Variants in STXBP4 observed in about 807,000 individuals in gnomAD.
The protein encoded by STXBP4 is syntaxin binding protein 4.
A neutral mutation model predicts 76.1 loss-of-function variants in STXBP4; 55 were observed. The observed-to-expected ratio is 0.72, with a 90% CI of 0.58 to 0.91. The LOEUF is 0.91. Ranked by LOEUF, STXBP4 falls within the 40% of genes least tolerant of loss-of-function variation. The pLI is 0.00. For missense variants in STXBP4, 618 were observed against 636.9 expected (o/e 0.97, Z 0.32); for synonymous variants, 201 against 220.2 (o/e 0.91, Z 0.77).
chr17:55,195,606 G>A, the STXBP4 span, among the ~76,000 whole-genome samples: 24 of 152,110 alleles, frequency 1.6e-4, no homozygotes, highest in African/African-American at 4.8e-4. Flanking sequence ...ACCACACACC[G>A]AGCTAAATTT....
At chr17:55,011,767 G>A (rs961631135) in intron 8 of STXBP4, among the ~76,000 whole-genome samples, 2 of 152,078 alleles carry the variant, frequency 1.3e-5, no homozygotes, top group African/African-American at 4.8e-5. Context: ...GTTTAAAAGT[G>A]AATGTGGTCA....
chr17:54,968,833 T>C lies in STXBP4; in HGVS notation c.-157+18T>C, dbSNP rs780679019. On this transcript the variant is annotated intron_variant, in intron 1 of 17. Coordinates refer to ENST00000376352, the MANE Select transcript of STXBP4 (RefSeq NM_178509.6). ...GATTACGGGTAAGTTTGCGTTTTGC[T>C]TTGTGACTGTTACTCCCACTTCGCT... 1 of 611,622 alleles carries C rather than the reference T, an allele frequency of 1.6e-6. No individual in the cohort carries two copies. Among genetic ancestry groups the C allele is most frequent in the Non-Finnish European group, 2.9e-6 (1 of 348,820 alleles). The allele number at this position is 611,622 out of a possible 1,614,324, so 37.9% of individuals were successfully genotyped here.
rs2078501003 is a variant in STXBP4, at chr17:55,031,114, T to C, written c.667-54T>C. On this transcript the variant is annotated intron_variant, in intron 8 of 17. Transcript: ENST00000376352. ...GGGTTGTAAAGTTTGTAATGAAAAG[T>C]TTTATTCTTTGGAGATTTGAAAAAT... is the stretch of plus-strand genomic sequence containing the variant. The C allele has an allele frequency of 1.6e-5, 22 of 1,371,322 alleles. No homozygotes were observed. The South Asian group carries it at 2.0e-4, about 13-fold the overall frequency. The allele number at this position is 1,371,322 out of a possible 1,614,324, so 84.9% of individuals were successfully genotyped here. A position where few individuals can be genotyped will look rare whatever the true frequency, so the allele number is the denominator to read the frequency against.
chr17:55,128,360 T>C (rs1208259241), intron 16 of STXBP4, among the ~76,000 whole-genome samples: 2 of 151,428 alleles, frequency 1.3e-5, no homozygotes, highest in Non-Finnish European at 2.9e-5. Flanking sequence ...GTTACCACGC[T>C]GGGTGAATGT....
the STXBP4 span, among the ~76,000 whole-genome samples, chr17:55,192,393 G>GGTGTCAAGAGGAAGAAAGGGA: frequency 6.6e-6 from 1 of 152,096 alleles, no homozygotes; most frequent in Non-Finnish European, 1.5e-5. Flanking sequence ...TGAGCAACGT[G>GGTGTCAAGAGGAAGAAAGGGA]GTGTCAAGAG....
intron 12 of STXBP4, among the ~76,000 whole-genome samples, chr17:55,057,201 A>G (rs750489602): frequency 6.6e-6 from 1 of 152,202 alleles, no homozygotes; most frequent in Non-Finnish European, 1.5e-5. Flanking sequence ...TAATAGATGC[A>G]CCTTCCTTTT....
intron 16 of STXBP4, among the ~76,000 whole-genome samples, chr17:55,111,957 C>T (rs565028479): frequency 6.6e-6 from 1 of 152,112 alleles, no homozygotes; most frequent in South Asian, 2.1e-4. Context: ...ACTCTGTCAC[C>T]CAGGCTGCAG....
intron 16 of STXBP4, among the ~76,000 whole-genome samples, chr17:55,121,875 T>C (rs1290202941): frequency 2.0e-5 from 3 of 152,040 alleles, no homozygotes; most frequent in Non-Finnish European, 4.4e-5. Flanking sequence ...ATGTTGCCTA[T>C]AGCACTGGGG....
intron 13 of STXBP4, among the ~76,000 whole-genome samples, chr17:55,074,203 G>A (rs957944354): frequency 1.3e-5 from 2 of 152,140 alleles, no homozygotes; most frequent in South Asian, 4.1e-4. Flanking sequence ...AATATAGCAT[G>A]TGAAAATGAA....
chr17:54,986,172 G>C lies in STXBP4; in HGVS notation c.-48G>C. 6.7e-7 allele frequency: 1 copy of C among 1,482,900 alleles called. No individual in the cohort carries two copies. The highest frequency in any genetic ancestry group is 1.2e-5 in the South Asian group (1 of 82,888). The allele number at this position is 1,482,900 out of a possible 1,614,324, so 91.9% of individuals were successfully genotyped here. ...GAAGAATTTCTAGACTCTTCATCAA[G>C]ATCTTCATTTATACAGCTGTTAAAT... is the stretch of plus-strand genomic sequence containing the variant. On this transcript the variant is annotated 5_prime_UTR_variant, in exon 3 of 18. Coordinates refer to ENST00000376352, the MANE Select transcript of STXBP4 (RefSeq NM_178509.6).
chr17:55,055,685 C>T (rs2078915309), intron 12 of STXBP4, among the ~76,000 whole-genome samples: 1 of 152,116 alleles, frequency 6.6e-6, no homozygotes, highest in Non-Finnish European at 1.5e-5. Flanking sequence ...CTGTCCTTTC[C>T]CCATCCTAAC....
At chr17:55,012,390 T>C (rs1289087849) in intron 8 of STXBP4, among the ~76,000 whole-genome samples, 1 of 152,200 alleles carries the variant, frequency 6.6e-6, no homozygotes, top group Non-Finnish European at 1.5e-5. Context: ...TGGAGGGTCC[T>C]GCCTTGCAGC....
chr17:55,080,340 T>G (rs1004569376), intron 15 of STXBP4, among the ~76,000 whole-genome samples: 2 of 152,184 alleles, frequency 1.3e-5, no homozygotes, highest in Admixed American at 1.3e-4. Context: ...ATAAAGGCTA[T>G]GTATTTGAAT....
the STXBP4 span, among the ~76,000 whole-genome samples, chr17:55,200,553 T>G: frequency 2.0e-5 from 3 of 152,232 alleles, no homozygotes; most frequent in Admixed American, 6.5e-5. Context: ...TTTCTGTATC[T>G]TCTTTGTTGC....
rs9913865 is a variant in STXBP4 at position 54,981,934 on chromosome 17, T to C, written c.-156-3680T>C. Among the ~76,000 whole-genome samples, 284 of 152,262 alleles carry C rather than the reference T, an allele frequency of 1.9e-3. 1 individual carries two copies. Among genetic ancestry groups the C allele is most frequent in the African/African-American group, 6.4e-3 (264 of 41,550 alleles). On this transcript the variant is annotated intron_variant, in intron 1 of 17. Coordinates refer to ENST00000376352, the MANE Select transcript of STXBP4 (RefSeq NM_178509.6). ...AATGGTTCTTAAAGCATAAAAAAACTCTTCTGCCTCACTCCAACTACCTTG... is the reference window on the plus strand; with the variant it reads ...AATGGTTCTTAAAGCATAAAAAAACCCTTCTGCCTCACTCCAACTACCTTG...
At chr17:55,185,310 T>C in the STXBP4 span, among the ~76,000 whole-genome samples, 2 of 133,338 alleles carry the variant, frequency 1.5e-5, no homozygotes, top group African/African-American at 5.8e-5. Flanking sequence ...CTTCTCCTTC[T>C]CCTTCTCCTT....
chr17:55,085,364 A>G (rs1391105253), intron 16 of STXBP4, among the ~76,000 whole-genome samples: 1 of 152,146 alleles, frequency 6.6e-6, no homozygotes, highest in East Asian at 1.9e-4. Context: ...ATAATAAAAA[A>G]AAAGTGATAC....
At position 55,173,286 on chromosome 17, in the gene STXBP4, G is replaced by A. The variant is rs968506257; in HGVS notation, c.*13375G>A. The A allele has an allele frequency of 6.6e-6, 1 of 152,260 alleles. No individual in the cohort carries two copies. Among genetic ancestry groups the A allele is most frequent in the East Asian group, 1.9e-4 (1 of 5,176 alleles). 9.4% of individuals were successfully genotyped at this position (152,260 alleles called of 1,614,324 possible). ...ACAACCGTAATCAAGATACAGAACA[G>A]TTTTATCATTTCAAGTGCTCTCCTG... On this transcript the variant is annotated 3_prime_UTR_variant, in exon 18 of 18. Transcript: ENST00000376352.
the STXBP4 span, among the ~76,000 whole-genome samples, chr17:55,182,797 AAAC>A: frequency 0.2 from 30,264 of 151,878 alleles, 3,319 homozygotes; most frequent in Middle Eastern, 0.37. Context: ...GTGCTAAGGA[AAAC>A]AACAACAACA....
Sources: gnomAD v4.1 joint callset for allele counts (sites outside exome capture counted in the v4.1 genomes callset) on GRCh38, gnomAD v4.1.1 for gene constraint, MANE v1.5 for transcripts, NCBI Gene and HGNC (gene_info 2026-07-23, HGNC 2026-07-21) for gene names.